The following ANKRD18A variants were observed in gnomAD, a reference collection of about 807,000 sequenced individuals.
The protein encoded by ANKRD18A is ankyrin repeat domain-containing protein 18A.
In ANKRD18A, 72 loss-of-function variants were observed where a neutral mutation model predicts 110.6. The observed-to-expected ratio is 0.65, with a 90% CI of 0.54 to 0.79. The LOEUF (loss-of-function observed/expected upper bound fraction) is 0.79. Ranked by LOEUF, ANKRD18A falls within the 30% of genes least tolerant of loss-of-function variation. The pLI is 0.00. For missense variants in ANKRD18A, 934 were observed against 1,163.3 expected, an observed-to-expected ratio of 0.80 and a Z score of 2.87; for synonymous variants, 305 against 410.3, an observed-to-expected ratio of 0.74 and a Z score of 3.10.
At chr9:38,588,708 C>G in intron 10 of ANKRD18A, 45 bp from the exon 11 acceptor site, 1 of 1,097,834 alleles carries the variant, frequency 9.1e-7, no homozygotes, top group South Asian at 3.1e-5. Flanking sequence ...ATCTAGAGAC[C>G]CTCTTCTATC....
At chr9:38,609,018 C>G (rs1390285913) in intron 5 of ANKRD18A, among the ~76,000 whole-genome samples, 3 of 152,068 alleles carry the variant, frequency 2.0e-5, no homozygotes, top group African/African-American at 7.2e-5. Flanking sequence ...GATAACATAC[C>G]ATGAAGGTAC....
rs909392654 is a variant in ANKRD18A, at chr9:38,593,899, C to T, written c.1865G>A (p.Arg622Lys). ...ATCGACCAGTTCTTCTTGAAATTCT[C>T]TCACAATCACCTGACAAAATATTTT... The part of the protein sequence containing the change: ...KEKAEREVIV[R>K]EFQEELVDHL... Residue 622 changes from arginine to lysine, a missense_variant, in exon 10 of 16, where the codon AGA becomes AAA. By Grantham distance (26) the Arg-to-Lys change is conservative. Around this residue, in one of 4 missense-constraint regions of ANKRD18A, gnomAD observed 630 missense variants for 797.5 expected, o/e 0.79. Transcript: ENST00000399703. 1.4e-6 allele frequency: 2 copies of T among 1,481,208 alleles called. No homozygotes were observed. The highest frequency in any genetic ancestry group is 1.4e-5 in the African/African-American group (1 of 70,086). The allele number at this position is 1,481,208 out of a possible 1,614,324, so 91.8% of individuals were successfully genotyped here. A position where few individuals can be genotyped will look rare whatever the true frequency, so the allele number is the denominator to read the frequency against.
chr9:38,571,153 G>A, downstream of ANKRD18A: 1 of 1,534,360 alleles, frequency 6.5e-7, no homozygotes, highest in Admixed American at 2.0e-5. Context: ...TCTTCTGTTG[G>A]GGACTAGTGA....
At position 38,577,893 on chromosome 9, in the gene ANKRD18A, C is replaced by G. The variant is rs1823969708; in HGVS notation, c.2503G>C (p.Glu835Gln). ...ELDERAVQEI[E>Q]KLEEIHLQKQ... The stretch of plus-strand genomic sequence containing the variant: ...TGTAAATGGATTTCTTCTAATTTTT[C>G]TATTTCCTGCACTGCCCTTTCATCC... The change falls in exon 13 of 16, where the codon GAA (glutamate) becomes CAA (glutamine). Residue 835 changes from glutamate to glutamine, a missense_variant. By Grantham distance (29) the Glu-to-Gln change is conservative. This residue lies in a region of ANKRD18A where 223 missense variants were observed against 226.7 expected (regional missense o/e 0.98). Transcript: ENST00000399703. 2 of 1,587,402 alleles carry G rather than the reference C, an allele frequency of 1.3e-6. No homozygotes were observed. Among genetic ancestry groups the G allele is most frequent in the East Asian group, 2.3e-5 (1 of 44,278 alleles).
Position 38,577,943 on chromosome 9 carries a change from T to G in ANKRD18A, c.2453A>C (p.Lys818Thr), listed in dbSNP as rs769565464. ...HMEKDMVELG[K>T]LQEYKSELDE... ...CAGCTCCGATTTATATTCTTGTAGT[T>G]TACCAAGTTCTACCATATCTTTTTC... The change falls in exon 13 of 16, where the codon AAA (lysine) becomes ACA (threonine). Residue 818 changes from lysine (K) to threonine (T), a missense_variant. By Grantham distance (78) the Lys-to-Thr change is moderately conservative. This residue lies in a region of ANKRD18A where 223 missense variants were observed against 226.7 expected (regional missense o/e 0.98). Coordinates refer to ENST00000399703, the MANE Select transcript of ANKRD18A (RefSeq NM_147195.4). The G allele has an allele frequency of 1.9e-5, 31 of 1,592,858 alleles. No homozygotes were observed. Among genetic ancestry groups the G allele is most frequent in the Non-Finnish European group, 2.7e-5 (31 of 1,167,828 alleles).
chr9:38,585,710 GTA>G (rs1427770708), intron 12 of ANKRD18A, among the ~76,000 whole-genome samples: 8 of 152,152 alleles, frequency 5.3e-5, no homozygotes, highest in Non-Finnish European at 8.8e-5. Context: ...ACATGTATTT[GTA>G]TGTTCATTGC....
In ANKRD18A at chr9:38,601,127, A is replaced by G; in HGVS notation, c.936+4T>C. The G allele has an allele frequency of 6.4e-7, 1 of 1,552,822 alleles. No individual in the cohort carries two copies. The highest frequency in any genetic ancestry group is 8.7e-7 in the Non-Finnish European group (1 of 1,147,262). On this transcript the variant is annotated splice_donor_region_variant and intron_variant, in intron 8 of 15. Coordinates refer to ENST00000399703, the MANE Select transcript of ANKRD18A (RefSeq NM_147195.4). ...TTAAACCAGAAATTTAAATTGTTAC[A>G]TACCTGTGGCTGTTTATTTTCACTT...
At chr9:38,590,151 C>T (rs935783520) in intron 10 of ANKRD18A, among the ~76,000 whole-genome samples, 9 of 151,766 alleles carry the variant, frequency 5.9e-5, no homozygotes, top group Non-Finnish European at 1.0e-4. Context: ...CTTTCTTTTT[C>T]TTTCTTTCTT....
intron 15 of ANKRD18A, 51 bp downstream of exon 15, chr9:38,575,425 G>T (rs1194479227): frequency 4.1e-5 from 61 of 1,470,026 alleles, no homozygotes; most frequent in Non-Finnish European, 3.4e-5. Context: ...TTATAGACAA[G>T]AATTATATTA....
At chr9:38,580,303 G>C (rs1159169335) in intron 12 of ANKRD18A, among the ~76,000 whole-genome samples, 1 of 152,196 alleles carries the variant, frequency 6.6e-6, no homozygotes, top group African/African-American at 2.4e-5. Context: ...AGCAGGGTGA[G>C]GTCAGAGGAT....
chr9:38,616,885 T>C (rs1825879791), intron 1 of ANKRD18A, among the ~76,000 whole-genome samples: 1 of 152,224 alleles, frequency 6.6e-6, no homozygotes, highest in South Asian at 2.1e-4. Context: ...TGGAGTGGTA[T>C]TTATAATTCA....
intron 1 of ANKRD18A, 44 bp downstream of exon 1, chr9:38,620,036 G>A (rs759539508): frequency 6.5e-7 from 1 of 1,544,444 alleles, no homozygotes; most frequent in South Asian, 1.2e-5. Context: ...CAGGGAAGCC[G>A]GGCCTGCGGC....
At position 38,577,906 on chromosome 9, in the gene ANKRD18A, T is replaced by C. The variant is rs752875139; in HGVS notation, c.2490A>G (p.Ala830=). 3 of 1,597,928 alleles carry C rather than the reference T, an allele frequency of 1.9e-6. No individual in the cohort carries two copies. The South Asian group carries it at 3.4e-5, about 18-fold the overall frequency. The change falls in exon 13 of 16, where the codon GCA becomes GCG. Residue 830 remains alanine (A), a synonymous_variant. Coordinates refer to ENST00000399703, the MANE Select transcript of ANKRD18A (RefSeq NM_147195.4). ...QEYKSELDER[A]VQEIEKLEEI... ...CTTCTAATTTTTCTATTTCCTGCAC[T>C]GCCCTTTCATCCAGCTCCGATTTAT...
intron 12 of ANKRD18A, among the ~76,000 whole-genome samples, chr9:38,583,017 T>C (rs1318440872): frequency 6.6e-6 from 1 of 152,196 alleles, no homozygotes; most frequent in African/African-American, 2.4e-5. Context: ...TTTGAATAGA[T>C]ATTTCTGCAA....
chr9:38,603,108 T>TG, intron 7 of ANKRD18A, 51 bp downstream of exon 7: 1 of 1,529,464 alleles, frequency 6.5e-7, no homozygotes, highest in South Asian at 1.2e-5. Flanking sequence ...AAGCTTCCCT[T>TG]GTCTCCCAGT....
intron 15 of ANKRD18A, chr9:38,572,679 G>C (rs527706296): frequency 6.5e-6 from 1 of 154,276 alleles, no homozygotes; most frequent in Non-Finnish European, 1.4e-5. Flanking sequence ...AACCTGACAA[G>C]AGTTACATTG....
chr9:38,619,674 G>C (rs1229800187), intron 1 of ANKRD18A, among the ~76,000 whole-genome samples: 1 of 152,096 alleles, frequency 6.6e-6, no homozygotes, highest in East Asian at 1.9e-4. Context: ...CCCACCTCGC[G>C]CTTCCCAGTG....
intron 10 of ANKRD18A, among the ~76,000 whole-genome samples, 200 bp from the exon 11 acceptor site, chr9:38,588,863 A>G (rs1824507155): frequency 6.6e-6 from 1 of 152,166 alleles, no homozygotes; most frequent in Non-Finnish European, 1.5e-5. Context: ...CACTTTCATC[A>G]TTACCTTTTC....
At chr9:38,602,595 A>T (rs190417742) in intron 7 of ANKRD18A, among the ~76,000 whole-genome samples, 5,139 of 152,274 alleles carry the variant, frequency 0.034, 128 homozygotes, top group African/African-American at 0.069. Context: ...TAAATTTTTT[A>T]AAAAAGCAAA....
Sources: gnomAD v4.1 joint callset for allele counts (sites outside exome capture counted in the v4.1 genomes callset) on GRCh38, gnomAD v4.1.1 for gene constraint, gnomAD v4.1.1 regional missense constraint, MANE v1.5 for transcripts, NCBI Gene and HGNC (gene_info 2026-07-23, HGNC 2026-07-21) for gene names.